Variants in MTHFSD observed in about 807,000 individuals in gnomAD.
The protein encoded by MTHFSD is methenyltetrahydrofolate synthetase domain containing.
A neutral mutation model predicts 31.1 loss-of-function variants in MTHFSD; 37 were observed. That is an observed-to-expected ratio of 1.19 (90% CI 0.91 to 1.56). The LOEUF (loss-of-function observed/expected upper bound fraction) is 1.56. Among genes scored for constraint, MTHFSD ranks in the 40% most tolerant of loss-of-function variants. The pLI is 0.00. For missense variants in MTHFSD, 664 were observed against 510.1 expected (o/e 1.30, Z -2.91); for synonymous variants, 221 against 206.9 (o/e 1.07, Z -0.59).
At position 86,551,873 on chromosome 16, in the gene MTHFSD, A is replaced by G. The variant is rs546567429; in HGVS notation, c.237+160T>C. 1.1e-4 allele frequency: 156 copies of G among 1,364,440 alleles called. No homozygotes were observed. In the African/African-American group the frequency reaches 1.9e-3, roughly 17 times the overall value. The allele number at this position is 1,364,440 out of a possible 1,614,324, so 84.5% of individuals were successfully genotyped here. A position where few individuals can be genotyped will look rare whatever the true frequency, so the allele number is the denominator to read the frequency against. ...TAAACAGCTGAAGGGCTTCTGAACT[A>G]TTCTTGGAAAAATCACCACCAAGGG... is the stretch of plus-strand genomic sequence containing the variant. On this transcript the variant is annotated intron_variant, in intron 3 of 7. Coordinates refer to ENST00000360900, the MANE Select transcript of MTHFSD (RefSeq NM_001159377.2).
intron 4 of MTHFSD, chr16:86,547,454 G>A (rs1175920394): frequency 4.1e-5 from 40 of 986,074 alleles, no homozygotes; most frequent in Non-Finnish European, 4.8e-5. Context: ...GCATACGGGT[G>A]GCTTGGGGGT....
chr16:86,554,608 T>A (rs777289803), intron 2 of MTHFSD, 37 bp downstream of exon 2: 1 of 1,442,356 alleles, frequency 6.9e-7, no homozygotes, highest in Non-Finnish European at 9.7e-7. Context: ...AAGAATATTT[T>A]GTTTTCCTTT....
rs199987477 is a variant in MTHFSD, at chr16:86,546,636, T to C, written c.365A>G (p.Tyr122Cys). The change falls in exon 5 of 8, where the codon TAC becomes TGC. Residue 122 changes from tyrosine (Y) to cysteine (C), a missense_variant. Transcript: ENST00000360900. The part of the protein sequence containing the change: ...KCATSQGVRN[Y>C]SVPIGLDSRV... The stretch of plus-strand genomic sequence containing the variant: ...GGAGTCCAAGCCTATGGGGACACTG[T>C]AGTTCCTCACACCCTGCACACAGAG... 3.1e-4 allele frequency: 505 copies of C among 1,613,636 alleles called. No individual in the cohort carries two copies. The highest frequency in any genetic ancestry group is 4.1e-4 in the Non-Finnish European group (481 of 1,179,862).
intron 4 of MTHFSD, chr16:86,547,987 G>A (rs1436148041): frequency 8.2e-7 from 1 of 1,217,832 alleles, no homozygotes; most frequent in Non-Finnish European, 1.1e-6. Context: ...ACTAAATTGT[G>A]AGGCATTCAA....
intron 5 of MTHFSD, among the ~76,000 whole-genome samples, chr16:86,544,594 T>A (rs1162189935): frequency 1.3e-5 from 2 of 152,222 alleles, no homozygotes; most frequent in African/African-American, 4.8e-5. Flanking sequence ...AGGAACACTT[T>A]TACACTGTTG....
intron 5 of MTHFSD, among the ~76,000 whole-genome samples, chr16:86,545,677 C>A (rs576190186): frequency 1.3e-5 from 2 of 152,172 alleles, no homozygotes; most frequent in African/African-American, 4.8e-5. Context: ...CCCCTTCCCC[C>A]TCCCGTCGGT....
intron 7 of MTHFSD, chr16:86,541,086 C>G (rs1366598034): frequency 7.9e-7 from 1 of 1,266,306 alleles, no homozygotes; most frequent in Admixed American, 2.5e-5. Flanking sequence ...GCACAAATGT[C>G]TTCTCAGTAA....
chr16:86,553,272 C>A (rs1973446947), intron 2 of MTHFSD: 1 of 152,318 alleles, frequency 6.6e-6, no homozygotes. Flanking sequence ...TGAAAGGTGA[C>A]AGCGTGCTGG....
intron 7 of MTHFSD, among the ~76,000 whole-genome samples, chr16:86,536,398 A>G (rs1970698114): frequency 6.6e-6 from 1 of 152,216 alleles, no homozygotes; most frequent in South Asian, 2.1e-4. Flanking sequence ...CTGGCTCTCT[A>G]AGGGCAGAAT....
At chr16:86,535,594 C>CT in intron 7 of MTHFSD, 2 of 708,834 alleles carry the variant, frequency 2.8e-6, no homozygotes, top group Non-Finnish European at 3.3e-6. Flanking sequence ...TAATTCTATT[C>CT]TAAAAAAAAA....
At chr16:86,553,062 A>G (rs753627054) in intron 2 of MTHFSD, among the ~76,000 whole-genome samples, 13 of 152,058 alleles carry the variant, frequency 8.5e-5, no homozygotes, top group Non-Finnish European at 1.9e-4. Flanking sequence ...TGGGAAACTG[A>G]GGCCCAGCAT....
Position 86,532,031 on chromosome 16 carries a change from T to C in MTHFSD, c.1132A>G (p.Arg378Gly). ...CGAGGTCACTTGTCCCTCTGCTGCC[T>C]GGCCAGCGCCACCCTCAGGGTGTCG... ...GTDTLRVALARQQRDK is the reference protein window; with the variant it reads ...GTDTLRVALAGQQRDK Residue 378 changes from arginine (R) to glycine (G), a missense_variant, in exon 8 of 8, where the codon AGG becomes GGG. Physicochemically the swap from Arg to Gly is moderately radical, Grantham distance 125. Transcript: ENST00000360900. The C allele has an allele frequency of 6.7e-7, 1 of 1,484,202 alleles. No homozygotes were observed. Among genetic ancestry groups the C allele is most frequent in the Non-Finnish European group, 8.9e-7 (1 of 1,122,700 alleles). The allele number at this position is 1,484,202 out of a possible 1,614,324, so 91.9% of individuals were successfully genotyped here. A position where few individuals can be genotyped will look rare whatever the true frequency, so the allele number is the denominator to read the frequency against.
At chr16:86,551,630 C>G (rs977945641) in intron 3 of MTHFSD, among the ~76,000 whole-genome samples, 2 of 152,194 alleles carry the variant, frequency 1.3e-5, no homozygotes, top group African/African-American at 4.8e-5. Flanking sequence ...GTCTGTCATC[C>G]AGAAGCAAAT....
chr16:86,541,814 G>A lies in MTHFSD; in HGVS notation c.564C>T (p.Asp188=). The change falls in exon 7 of 8, where the codon GAC becomes GAT. Residue 188 remains aspartate, a synonymous_variant. Transcript: ENST00000360900. ...GCTCCTCAACAAGCTCTTCAGGGAT[G>A]TCCACGACCTGGGGGAAGAGAGGAG... ...VTIVHDCQVV[D]IPEELVEEHD... 1 of 1,614,100 alleles carries A rather than the reference G, an allele frequency of 6.2e-7. No individual in the cohort carries two copies. Among genetic ancestry groups the A allele is most frequent in the South Asian group, 1.1e-5 (1 of 91,062 alleles).
At chr16:86,539,196 T>C (rs2143513500) in intron 7 of MTHFSD, among the ~76,000 whole-genome samples, 1 of 152,252 alleles carries the variant, frequency 6.6e-6, no homozygotes, top group Middle Eastern at 3.4e-3. Context: ...ACAGGCGGTA[T>C]GGAGCAGCCA....
At chr16:86,551,699 C>T (rs1017426097) in intron 3 of MTHFSD, among the ~76,000 whole-genome samples, 1 of 152,176 alleles carries the variant, frequency 6.6e-6, no homozygotes, top group Non-Finnish European at 1.5e-5. Flanking sequence ...GTGGTGTCAT[C>T]TATTTCAGCT....
chr16:86,551,534 G>C (rs1220492333), intron 3 of MTHFSD, among the ~76,000 whole-genome samples: 1 of 152,222 alleles, frequency 6.6e-6, no homozygotes, highest in Non-Finnish European at 1.5e-5. Context: ...AAGCATGCCT[G>C]AATTTAAAAA....
At position 86,546,650 on chromosome 16, in the gene MTHFSD, C is replaced by T. The variant is rs758058003; in HGVS notation, c.352-1G>A. ...TGGGGACACTGTAGTTCCTCACACC[C>T]TGCACACAGAGATACGGATTGGAAA... On this transcript the variant is annotated splice_acceptor_variant, in intron 4 of 7. Coordinates refer to ENST00000360900, the MANE Select transcript of MTHFSD (RefSeq NM_001159377.2). LOFTEE classifies it high-confidence loss of function. 1.9e-6 allele frequency: 3 copies of T among 1,612,592 alleles called. No homozygotes were observed. Among genetic ancestry groups the T allele is most frequent in the South Asian group, 1.1e-5 (1 of 91,056 alleles).
rs767551549 is a variant in MTHFSD, at chr16:86,554,693, A to G, written c.75T>C (p.Asn25=). The change falls in exon 2 of 8, where the codon AAT becomes AAC. Residue 25 remains asparagine, a synonymous_variant. Coordinates refer to ENST00000360900, the MANE Select transcript of MTHFSD (RefSeq NM_001159377.2). ...EQIWGYMESQ[N]LADFPRPVHH... ...GAACAGGTCGGGGAAAGTCAGCTAA[A>G]TTTTGTGATTCCATGTAGCCCCAAA... 6.2e-7 allele frequency: 1 copy of G among 1,614,156 alleles called. No individual in the cohort carries two copies. The highest frequency in any genetic ancestry group is 1.1e-5 in the South Asian group (1 of 91,076).
Sources: gnomAD v4.1 joint callset for allele counts (sites outside exome capture counted in the v4.1 genomes callset) on GRCh38, gnomAD v4.1.1 for gene constraint, MANE v1.5 for transcripts, NCBI Gene and HGNC (gene_info 2026-07-23, HGNC 2026-07-21) for gene names.